Variants in PRLR observed in about 807,000 individuals in gnomAD.
The protein encoded by PRLR is prolactin receptor.
In PRLR, 13 loss-of-function variants were observed where a neutral mutation model predicts 40.2. The observed-to-expected ratio is 0.32, with a 90% CI of 0.21 to 0.51. The LOEUF (loss-of-function observed/expected upper bound fraction) is 0.51. PRLR is among the 20% of genes least tolerant of loss of function. The pLI is 0.97. For missense variants in PRLR, 656 were observed against 747.3 expected (o/e 0.88, Z 1.42); for synonymous variants, 269 against 278.7 (o/e 0.97, Z 0.35).
At chr5:35,106,585 T>A (rs1772269581) in intron 2 of PRLR, among the ~76,000 whole-genome samples, 1 of 152,058 alleles carries the variant, frequency 6.6e-6, no homozygotes, top group South Asian at 2.1e-4. Flanking sequence ...TCCTACTCTC[T>A]GAGAAAACAG....
chr5:35,196,460 A>G (rs1161638126), intron 1 of PRLR, among the ~76,000 whole-genome samples: 1 of 152,244 alleles, frequency 6.6e-6, no homozygotes, highest in Admixed American at 6.5e-5. Flanking sequence ...CCATAAGGCC[A>G]ACTAAGACTC....
At chr5:35,109,203 C>T (rs1467946702) in intron 2 of PRLR, among the ~76,000 whole-genome samples, 13 of 152,036 alleles carry the variant, frequency 8.6e-5, no homozygotes, top group African/African-American at 4.8e-5. Flanking sequence ...TTACACCTTA[C>T]ACAAAAATTA....
chr5:35,176,042 T>C (rs1775138136), intron 1 of PRLR, among the ~76,000 whole-genome samples: 1 of 152,230 alleles, frequency 6.6e-6, no homozygotes, highest in South Asian at 2.1e-4. Flanking sequence ...GTATATTAGA[T>C]GTAAATAAAC....
intron 2 of PRLR, among the ~76,000 whole-genome samples, chr5:35,110,466 G>A (rs1167546062): frequency 6.6e-6 from 1 of 152,082 alleles, no homozygotes; most frequent in Admixed American, 6.6e-5. Context: ...AAGCATCTTT[G>A]TATTTGCCCT....
chr5:35,103,904 T>C (rs983584519), intron 2 of PRLR, among the ~76,000 whole-genome samples: 2 of 152,198 alleles, frequency 1.3e-5, no homozygotes, highest in African/African-American at 4.8e-5. Context: ...CTGAATGTGT[T>C]TTTGAATGTC....
intron 2 of PRLR, among the ~76,000 whole-genome samples, chr5:35,111,457 C>T (rs1772654547): frequency 6.6e-6 from 1 of 152,054 alleles, no homozygotes; most frequent in Admixed American, 6.6e-5. Context: ...ATTTTAAAAG[C>T]CGTAAGAATG....
At chr5:35,208,178 CA>C (rs1393970371) in intron 1 of PRLR, among the ~76,000 whole-genome samples, 1 of 138,982 alleles carries the variant, frequency 7.2e-6, no homozygotes, top group Non-Finnish European at 1.6e-5. Context: ...CACGCGCGCG[CA>C]CACACACACA....
At chr5:35,184,979 A>C (rs550562562) in intron 1 of PRLR, among the ~76,000 whole-genome samples, 21 of 152,366 alleles carry the variant, frequency 1.4e-4, no homozygotes, top group African/African-American at 5.0e-4. Context: ...CCTCTAGATT[A>C]TAGCAACAAA....
At chr5:35,187,310 A>G (rs918247614) in intron 1 of PRLR, among the ~76,000 whole-genome samples, 7 of 152,098 alleles carry the variant, frequency 4.6e-5, no homozygotes, top group Admixed American at 3.9e-4. Context: ...CTGAGGCTGA[A>G]GAATAGCTTG....
chr5:35,082,750 T>C (rs906506065), intron 5 of PRLR, among the ~76,000 whole-genome samples: 41 of 152,246 alleles, frequency 2.7e-4, no homozygotes, highest in African/African-American at 9.6e-4. Flanking sequence ...TGTCAGAAAA[T>C]GTACCGTGCA....
At chr5:35,177,798 T>C (rs1248266916) in intron 1 of PRLR, among the ~76,000 whole-genome samples, 1 of 152,258 alleles carries the variant, frequency 6.6e-6, no homozygotes, top group Non-Finnish European at 1.5e-5. Flanking sequence ...CTTGAGTATC[T>C]GTTTTCAGTT....
chr5:35,229,834 C>T (rs1334619859), intron 1 of PRLR, among the ~76,000 whole-genome samples: 2 of 152,100 alleles, frequency 1.3e-5, no homozygotes, highest in Non-Finnish European at 2.9e-5. Flanking sequence ...CTGTCTGCGC[C>T]CCTTCCCCCT....
At chr5:35,068,985 ATAT>A in intron 7 of PRLR, 107 bp from the exon 8 acceptor site, 1 of 781,430 alleles carries the variant, frequency 1.3e-6, no homozygotes, top group Non-Finnish European at 2.1e-6. Flanking sequence ...CTCCATTCAT[ATAT>A]TTTTTTGATT....
At chr5:35,174,446 C>T (rs1336450172) in intron 1 of PRLR, among the ~76,000 whole-genome samples, 3 of 152,190 alleles carry the variant, frequency 2.0e-5, no homozygotes, top group Non-Finnish European at 4.4e-5. Flanking sequence ...ATTTCCTCTG[C>T]TGGAAATCTC....
At chr5:35,054,894 G>A (rs958508384), downstream of PRLR, among the ~76,000 whole-genome samples, 3 of 152,172 alleles carry the variant, frequency 2.0e-5, no homozygotes, top group Non-Finnish European at 2.9e-5. Context: ...AATAACTTTA[G>A]GATTGTAGTT....
intron 1 of PRLR, among the ~76,000 whole-genome samples, chr5:35,177,010 A>C (rs1474244585): frequency 6.6e-6 from 1 of 152,122 alleles, no homozygotes; most frequent in Non-Finnish European, 1.5e-5. Flanking sequence ...TGCTTTGTAA[A>C]GCATTGAGAT....
intron 1 of PRLR, among the ~76,000 whole-genome samples, chr5:35,213,293 C>A (rs72734594): frequency 6.6e-6 from 1 of 152,142 alleles, no homozygotes; most frequent in East Asian, 1.9e-4. Flanking sequence ...AATCCATAAG[C>A]ATAGCTTATG....
chr5:35,194,408 C>G (rs1775682105), intron 1 of PRLR, among the ~76,000 whole-genome samples: 1 of 152,198 alleles, frequency 6.6e-6, no homozygotes, highest in Non-Finnish European at 1.5e-5. Context: ...GCCTATCTCT[C>G]TAGCTTGTTT....
intron 1 of PRLR, among the ~76,000 whole-genome samples, chr5:35,144,575 TCC>T (rs1264099060): frequency 6.6e-6 from 1 of 151,680 alleles, no homozygotes; most frequent in Non-Finnish European, 1.5e-5. Flanking sequence ...TGCCTCAGCC[TCC>T]CAAGTAGCTG....
Sources: gnomAD v4.1 joint callset for allele counts (sites outside exome capture counted in the v4.1 genomes callset) on GRCh38, gnomAD v4.1.1 for gene constraint, MANE v1.5 for transcripts, NCBI Gene and HGNC (gene_info 2026-07-23, HGNC 2026-07-21) for gene names.